Variants in PTPN4 observed in about 807,000 individuals in gnomAD.
PTPN4 encodes protein tyrosine phosphatase non-receptor type 4, also known as tyrosine-protein phosphatase non-receptor type 4.
PTPN4 carries 49 observed loss-of-function variants against 135.5 expected under a neutral mutation model. The observed-to-expected ratio is 0.36, with a 90% CI of 0.29 to 0.46. The LOEUF is 0.46. Among genes scored for constraint, PTPN4 ranks in the 20% least tolerant of loss-of-function variants. The pLI is 1.00. For missense variants in PTPN4, 860 were observed against 1,101.0 expected, an observed-to-expected ratio of 0.78 and a Z score of 3.10; for synonymous variants, 333 against 369.9, an observed-to-expected ratio of 0.90 and a Z score of 1.14.
intron 2 of PTPN4, among the ~76,000 whole-genome samples, chr2:119,844,694 T>C (rs1217345291): frequency 2.7e-5 from 4 of 148,948 alleles, no homozygotes; most frequent in African/African-American, 1.0e-4. Context: ...CTAGATGTGA[T>C]GGCGGCTGGG....
chr2:119,882,466 G>T (rs915030001), intron 7 of PTPN4, 37 bp from the exon 8 acceptor site: 5 of 1,453,814 alleles, frequency 3.4e-6, no homozygotes, highest in Non-Finnish European at 4.6e-6. Flanking sequence ...TTAAAAATTT[G>T]TTTATTAAAA....
At chr2:119,774,584 G>A (rs1339362384) in intron 1 of PTPN4, among the ~76,000 whole-genome samples, 3 of 152,144 alleles carry the variant, frequency 2.0e-5, no homozygotes, top group Non-Finnish European at 2.9e-5. Context: ...ATGACTTAAA[G>A]CAAAAGAAAG....
intron 1 of PTPN4, among the ~76,000 whole-genome samples, chr2:119,763,632 A>G (rs913524022): frequency 2.6e-5 from 4 of 152,232 alleles, no homozygotes; most frequent in Non-Finnish European, 5.9e-5. Context: ...TTCTGCAATG[A>G]TGGAAATATT....
At chr2:119,944,641 T>C (rs544159913) in intron 15 of PTPN4, among the ~76,000 whole-genome samples, 11 of 152,334 alleles carry the variant, frequency 7.2e-5, no homozygotes, top group African/African-American at 2.6e-4. Flanking sequence ...ATTACTTCCA[T>C]GAATCGTATT....
intron 18 of PTPN4, among the ~76,000 whole-genome samples, chr2:119,948,191 TGAAG>T (rs1679163678): frequency 6.6e-6 from 1 of 152,072 alleles, no homozygotes. Context: ...GATGAAGGGA[TGAAG>T]GATTGATGAA....
chr2:119,934,308 A>G (rs1329163288), intron 14 of PTPN4, among the ~76,000 whole-genome samples: 1 of 152,194 alleles, frequency 6.6e-6, no homozygotes, highest in Admixed American at 6.5e-5. Flanking sequence ...ACACATACAT[A>G]AATACTGAAA....
rs201811404 is a variant in PTPN4, at chr2:119,845,295, A to C, written c.139-17241A>C. On this transcript the variant is annotated intron_variant, in intron 2 of 26. Coordinates refer to ENST00000263708, the MANE Select transcript of PTPN4 (RefSeq NM_002830.4). ...GAGAGGGAGAGGGAGAGGGAGAGGG[A>C]GAGGGCATTTTTCTTTAAATGTAAT... 2.2e-3 allele frequency among the ~76,000 whole-genome samples: 311 copies of C among 139,882 alleles called. 5 individuals carry two copies. Among genetic ancestry groups the C allele is most frequent in the East Asian group, 0.016 (78 of 4,766 alleles). 91.8% of individuals were successfully genotyped at this position (139,882 alleles called of 152,430 possible).
In PTPN4 at chr2:119,920,942, CTTGT is replaced by C. The variant is rs556832608; in HGVS notation, c.1001+708_1001+711del. On this transcript the variant is annotated intron_variant, in intron 12 of 26. Transcript: ENST00000263708. ...TTTAGTAAAACAAATGTTATTCATTCTTGTTTGTTTATGCTTCACATAATAAGAT... is the reference window on the plus strand; with the variant it reads ...TTTAGTAAAACAAATGTTATTCATTCTTGTTTATGCTTCACATAATAAGAT... Among the ~76,000 whole-genome samples the C allele has an allele frequency of 1.9e-3, 282 of 152,220 alleles. 1 individual carries two copies. Among genetic ancestry groups the C allele is most frequent in the Admixed American group, 3.7e-3 (57 of 15,284 alleles).
chr2:119,855,329 TAAC>T (rs1558746132), intron 2 of PTPN4, among the ~76,000 whole-genome samples: 1 of 152,140 alleles, frequency 6.6e-6, no homozygotes, highest in Non-Finnish European at 1.5e-5. Flanking sequence ...AATTTAAAAA[TAAC>T]AAGTTGGGAA....
intron 9 of PTPN4, among the ~76,000 whole-genome samples, chr2:119,898,261 G>T (rs1470909897): frequency 3.9e-5 from 6 of 152,180 alleles, no homozygotes; most frequent in Admixed American, 1.3e-4. Flanking sequence ...TGAGAAGATG[G>T]ATGTAAGCTA....
chr2:119,845,119 G>A (rs1677470867), intron 2 of PTPN4, among the ~76,000 whole-genome samples: 1 of 148,898 alleles, frequency 6.7e-6, no homozygotes, highest in Non-Finnish European at 1.5e-5. Context: ...GCGCGAGCCT[G>A]CAATCACAGG....
chr2:119,783,603 A>G (rs959252119), intron 1 of PTPN4, among the ~76,000 whole-genome samples: 1 of 152,224 alleles, frequency 6.6e-6, no homozygotes, highest in Non-Finnish European at 1.5e-5. Flanking sequence ...AATAGAAATC[A>G]TTATGATATG....
chr2:119,956,132 T>G (rs1039072839), intron 20 of PTPN4, among the ~76,000 whole-genome samples: 1 of 152,018 alleles, frequency 6.6e-6, no homozygotes, highest in African/African-American at 2.4e-5. Flanking sequence ...CTAGAATGCT[T>G]CTTCAGTGCT....
rs535089074 is a variant in PTPN4, at chr2:119,932,078, G to A, written c.1071-346G>A. On this transcript the variant is annotated intron_variant, in intron 13 of 26. Coordinates refer to ENST00000263708, the MANE Select transcript of PTPN4 (RefSeq NM_002830.4). ...GTGTTCCAGATACTCTGGAATAGAA[G>A]TAGGTAGTATCTGTCTTGTCAGTAA... is the stretch of plus-strand genomic sequence containing the variant. 4.5e-4 allele frequency among the ~76,000 whole-genome samples: 69 copies of A among 152,322 alleles called. No individual in the cohort carries two copies. The South Asian group carries it at 0.013, about 29-fold the overall frequency.
chr2:119,878,681 A>G (rs2104999243), intron 5 of PTPN4, among the ~76,000 whole-genome samples: 1 of 142,400 alleles, frequency 7.0e-6, no homozygotes, highest in African/African-American at 2.7e-5. Flanking sequence ...GTGGGTGCGC[A>G]GGTGTTCCTT....
At chr2:119,924,729 T>C (rs561466452) in intron 12 of PTPN4, among the ~76,000 whole-genome samples, 1,763 of 78,150 alleles carry the variant, frequency 0.023, 19 homozygotes, top group Middle Eastern at 0.042. Flanking sequence ...AAAAATTGTT[T>C]CTTTATTATG....
intron 9 of PTPN4, among the ~76,000 whole-genome samples, chr2:119,889,246 C>T (rs989453981): frequency 2.6e-5 from 4 of 152,052 alleles, no homozygotes; most frequent in Non-Finnish European, 4.4e-5. Context: ...GGTGAAACCC[C>T]GTCTCTACTA....
chr2:119,955,106 A>G (rs762255269), intron 19 of PTPN4, 51 bp from the exon 20 acceptor site: 1 of 1,475,854 alleles, frequency 6.8e-7, no homozygotes, highest in Non-Finnish European at 9.2e-7. Flanking sequence ...CTATCGTGTG[A>G]ATTCATTAAG....
intron 15 of PTPN4, among the ~76,000 whole-genome samples, chr2:119,941,323 C>A (rs1051117342): frequency 2.0e-5 from 3 of 151,988 alleles, no homozygotes; most frequent in Non-Finnish European, 4.4e-5. Context: ...TGGAGTATGT[C>A]TTTTAAAAAA....
Sources: allele counts gnomAD v4.1 joint callset (sites outside exome capture counted in the v4.1 genomes callset), GRCh38; gene constraint gnomAD v4.1.1; transcripts MANE v1.5; gene names NCBI Gene and HGNC (gene_info 2026-07-23, HGNC 2026-07-21).